KMT2C: variants seen among roughly 807,000 people sequenced by gnomAD.
KMT2C encodes the protein histone-lysine N-methyltransferase 2C.
KMT2C carries 88 observed loss-of-function variants against 507.9 expected under a neutral mutation model. The observed-to-expected ratio is 0.17, with a 90% CI of 0.15 to 0.21. KMT2C has a LOEUF of 0.21. KMT2C is among the 10% of genes least tolerant of loss of function. KMT2C has a pLI of 1.00. For synonymous variants in KMT2C, 2,049 were observed against 2,080.8 expected, an observed-to-expected ratio of 0.98 and a Z score of 0.42; for missense variants, 4,954 against 5,957.8, an observed-to-expected ratio of 0.83 and a Z score of 5.55.
At chr7:152,391,260 A>G (rs2097494917) in intron 1 of KMT2C, among the ~76,000 whole-genome samples, 1 of 138,778 alleles carries the variant, frequency 7.2e-6, no homozygotes, top group Non-Finnish European at 1.5e-5. Flanking sequence ...TTTGTTTTTG[A>G]GACAGTCTTG....
In KMT2C at chr7:152,202,976, T is replaced by C; in HGVS notation, c.4050A>G (p.Lys1350=). 6.2e-7 allele frequency: 1 copy of C among 1,609,198 alleles called. No individual in the cohort carries two copies. The highest frequency in any genetic ancestry group is 8.5e-7 in the Non-Finnish European group (1 of 1,176,908). ...STEKIKKRYR[K]RKNKLEETFP... ...AAGTTTCTTCAAGCTTATTTTTCCT[T>C]TTTCGGTATCTCTTCTTTATTTTTT... Residue 1350 remains lysine (K), a synonymous_variant, in exon 26 of 59, where the codon AAA becomes AAG. Coordinates refer to ENST00000262189, the MANE Select transcript of KMT2C (RefSeq NM_170606.3).
intron 7 of KMT2C, among the ~76,000 whole-genome samples, chr7:152,270,965 C>G (rs1360904507): frequency 6.6e-6 from 1 of 152,166 alleles, no homozygotes; most frequent in African/African-American, 2.4e-5. Context: ...ACTCCTAACT[C>G]AGTCAACTAT....
intron 1 of KMT2C, among the ~76,000 whole-genome samples, chr7:152,425,371 T>C (rs919915242): frequency 1.3e-5 from 2 of 152,096 alleles, no homozygotes; most frequent in African/African-American, 4.8e-5. Flanking sequence ...AGGTCAGAAG[T>C]TCGAGACCAG....
intron 23 of KMT2C, among the ~76,000 whole-genome samples, chr7:152,217,354 T>C (rs1206302331): frequency 1.3e-5 from 2 of 152,236 alleles, no homozygotes; most frequent in African/African-American, 2.4e-5. Flanking sequence ...ATTTTTAATA[T>C]GGCAAAGTGT....
At chr7:152,168,178 A>T (rs1287359611) in intron 41 of KMT2C, among the ~76,000 whole-genome samples, 2 of 152,170 alleles carry the variant, frequency 1.3e-5, no homozygotes, top group African/African-American at 4.8e-5. Flanking sequence ...ATGTAGTGAA[A>T]TTCTGAATAT....
rs180797184 is a variant in KMT2C, at chr7:152,250,197, T to C, written c.1736-244A>G. ...CAACTAGACCTCACAAGAAAGATTA[T>C]AGAAAATAATTTTAATGAGAGTTAT... On this transcript the variant is annotated intron_variant, in intron 12 of 58. Transcript: ENST00000262189. 1.7e-4 allele frequency among the ~76,000 whole-genome samples: 26 copies of C among 152,308 alleles called. 1 individual carries two copies. Among genetic ancestry groups the C allele is most frequent in the African/African-American group, 5.8e-4 (24 of 41,582 alleles).
intron 34 of KMT2C, among the ~76,000 whole-genome samples, chr7:152,184,246 T>C (rs1456869343): frequency 6.6e-6 from 1 of 152,058 alleles, no homozygotes; most frequent in African/African-American, 2.4e-5. Context: ...CATCTATATA[T>C]ATATATGTGA....
chr7:152,165,242 T>A (rs1563213871), intron 42 of KMT2C, among the ~76,000 whole-genome samples: 1 of 152,224 alleles, frequency 6.6e-6, no homozygotes, highest in Non-Finnish European at 1.5e-5. Context: ...TAATACTTTT[T>A]AAAACATTAC....
chr7:152,423,498 A>G (rs193283737), intron 1 of KMT2C, among the ~76,000 whole-genome samples: 11 of 152,344 alleles, frequency 7.2e-5, no homozygotes, highest in Admixed American at 5.9e-4. Context: ...ATTTTGCTTC[A>G]TGGGACATGC....
rs1192785141 is a variant in KMT2C at position 152,220,516 on chromosome 7, G to A, written c.3712+7C>T. 6.3e-7 allele frequency: 1 copy of A among 1,583,026 alleles called. No homozygotes were observed. Among genetic ancestry groups the A allele is most frequent in the Admixed American group, 1.7e-5 (1 of 59,960 alleles). On this transcript the variant is annotated splice_region_variant and intron_variant, in intron 23 of 58. Coordinates refer to ENST00000262189, the MANE Select transcript of KMT2C (RefSeq NM_170606.3). ...CACATATTTCATGGAAAATAAATTA[G>A]TATTACCTCGACTATCATCCATTTC... is the stretch of plus-strand genomic sequence containing the variant.
intron 1 of KMT2C, among the ~76,000 whole-genome samples, chr7:152,389,312 C>CA (rs2097466525): frequency 7.4e-6 from 1 of 134,528 alleles, no homozygotes; most frequent in Non-Finnish European, 1.5e-5. Flanking sequence ...CTGCAGTGAG[C>CA]AGAGATCGTG....
chr7:152,271,846 T>C (rs1232968071), intron 7 of KMT2C, among the ~76,000 whole-genome samples: 1 of 152,142 alleles, frequency 6.6e-6, no homozygotes. Context: ...TTGTATCAAG[T>C]GATGTCTTGT....
intron 42 of KMT2C, among the ~76,000 whole-genome samples, chr7:152,166,221 C>G (rs1236795601): frequency 6.8e-6 from 1 of 147,672 alleles, no homozygotes; most frequent in Non-Finnish European, 1.5e-5. Flanking sequence ...CTCCTTGGTG[C>G]AGGGATTCTC....
At chr7:152,146,275 A>C (rs1190540845) in intron 53 of KMT2C, among the ~76,000 whole-genome samples, 1 of 152,170 alleles carries the variant, frequency 6.6e-6, no homozygotes, top group African/African-American at 2.4e-5. Flanking sequence ...AGGTGGGAGA[A>C]ACTTCAGAAA....
intron 34 of KMT2C, among the ~76,000 whole-genome samples, chr7:152,183,864 C>G (rs1304547642): frequency 6.6e-6 from 1 of 151,572 alleles, no homozygotes; most frequent in Non-Finnish European, 1.5e-5. Context: ...CCATTGCACT[C>G]CAGCCTGGGC....
In KMT2C at chr7:152,169,170, T is replaced by G. The variant is rs534746746; in HGVS notation, c.9517+16A>C. The G allele has an allele frequency of 6.7e-7, 1 of 1,501,930 alleles. No homozygotes were observed. 93.0% of individuals were successfully genotyped at this position (1,501,930 alleles called of 1,614,324 possible). ...GCAATCCCCAGAAAACATTAACTTA[T>G]TAGATTTATACTTACTGACAAAGCC... On this transcript the variant is annotated intron_variant, in intron 41 of 58. Transcript: ENST00000262189.
chr7:152,187,581 CATATTT>C lies in KMT2C; in HGVS notation c.4794-111_4794-106del, dbSNP rs2093663355. 3 of 1,416,502 alleles carry C rather than the reference CATATTT, an allele frequency of 2.1e-6. No individual in the cohort carries two copies. In the African/African-American group the frequency reaches 4.4e-5, roughly 21 times the overall value. 87.7% of individuals were successfully genotyped at this position (1,416,502 alleles called of 1,614,324 possible). A position where few individuals can be genotyped will look rare whatever the true frequency, so the allele number is the denominator to read the frequency against. On this transcript the variant is annotated intron_variant, in intron 32 of 58. Transcript: ENST00000262189. ...CCTATTACAAAACAGTTAAAAGTAA[CATATTT>C]ATAGCAAAAGCCACAATAAACGCAA...
intron 6 of KMT2C, among the ~76,000 whole-genome samples, chr7:152,293,638 C>T (rs1049173848): frequency 9.2e-5 from 14 of 152,132 alleles, no homozygotes; most frequent in African/African-American, 3.4e-4. Flanking sequence ...ATACCACCCA[C>T]CTCATCACAA....
rs762058889 is a variant in KMT2C at position 152,163,335 on chromosome 7, T to G, written c.10242A>C (p.Gln3414His). Residue 3414 changes from glutamine to histidine, a missense_variant, in exon 43 of 59, where the codon CAA (glutamine) becomes CAC (histidine). Gln to His is a conservative substitution (Grantham distance 24). This residue lies in a region of KMT2C where 801 missense variants were observed against 751.2 expected (regional missense o/e 1.07). Transcript: ENST00000262189. ...LREQQERQRI[Q>H]LMQEVDRQRA... ...TTTGTCTATCTACCTCCTGCATGAG[T>G]TGGATCCGTTGTCTCTCTTGCTGTT... The G allele has an allele frequency of 3.7e-6, 6 of 1,614,060 alleles. No homozygotes were observed. The highest frequency in any genetic ancestry group is 2.2e-5 in the East Asian group (1 of 44,894).
Sources: allele counts gnomAD v4.1 joint callset (sites outside exome capture counted in the v4.1 genomes callset), GRCh38; gene constraint gnomAD v4.1.1; regional missense constraint gnomAD v4.1.1; transcripts MANE v1.5; gene names NCBI Gene and HGNC (gene_info 2026-07-23, HGNC 2026-07-21).